The following USP25 variants were observed in gnomAD, a reference collection of about 807,000 sequenced individuals.
The protein encoded by USP25 is ubiquitin carboxyl-terminal hydrolase 25.
USP25 carries 85 observed loss-of-function variants against 158.5 expected under a neutral mutation model. The ratio of observed to expected loss-of-function variants is 0.54; its 90% CI spans 0.45 to 0.64. The LOEUF (loss-of-function observed/expected upper bound fraction) is 0.64. USP25 is among the 30% of genes least tolerant of loss of function. USP25 has a pLI of 0.00. For missense variants in USP25, 1,242 were observed against 1,327.3 expected, an observed-to-expected ratio of 0.94 and a Z score of 1.00; for synonymous variants, 464 against 460.4, an observed-to-expected ratio of 1.01 and a Z score of -0.10.
rs377257148 is a variant in USP25 at position 15,803,088 on chromosome 21, G to A, written c.643-2033G>A. 2.1e-3 allele frequency among the ~76,000 whole-genome samples: 311 copies of A among 151,638 alleles called. 1 individual carries two copies. The highest frequency in any genetic ancestry group is 0.014 in the Middle Eastern group (4 of 292). On this transcript the variant is annotated intron_variant, in intron 6 of 25. Transcript: ENST00000400183. ...ACTAGTGAAGAAATAGATAACCTGT[G>A]GTAGCCCTACATTATATTAAAGGAA...
Position 15,730,507 on chromosome 21 carries a change from C to T in USP25, c.45+69C>T. 8.5e-6 allele frequency: 11 copies of T among 1,287,382 alleles called. No individual in the cohort carries two copies. The South Asian group carries it at 2.2e-4, about 26-fold the overall frequency. 79.7% of individuals were successfully genotyped at this position (1,287,382 alleles called of 1,614,324 possible). A position where few individuals can be genotyped will look rare whatever the true frequency, so the allele number is the denominator to read the frequency against. On this transcript the variant is annotated intron_variant, in intron 1 of 25. Coordinates refer to ENST00000400183, the MANE Select transcript of USP25 (RefSeq NM_001283041.3). ...ACGGGCTGTCCTCTCCCGCTGCGGC[C>T]GGGCGCCCCGGCCTCGCCGCCGCCG... is the stretch of plus-strand genomic sequence containing the variant.
intron 5 of USP25, among the ~76,000 whole-genome samples, chr21:15,794,340 A>G (rs1010504158): frequency 3.3e-5 from 5 of 151,794 alleles, no homozygotes; most frequent in African/African-American, 9.7e-5. Flanking sequence ...AATGGCTTAA[A>G]TAATCTTTTG....
chr21:15,868,190 A>G (rs17241481), intron 22 of USP25, among the ~76,000 whole-genome samples: 11,463 of 152,268 alleles, frequency 0.075, 505 homozygotes, highest in East Asian at 0.099. Context: ...GCTGTTTAGA[A>G]GTCAACATAG....
intron 9 of USP25, among the ~76,000 whole-genome samples, chr21:15,814,132 A>G (rs752145780): frequency 8.7e-5 from 13 of 149,668 alleles, no homozygotes; most frequent in Non-Finnish European, 7.5e-5. Context: ...GTGGAAACCC[A>G]GGATAAACCC....
At chr21:15,871,074 A>G (rs7281290) in intron 23 of USP25, among the ~76,000 whole-genome samples, 5,703 of 152,314 alleles carry the variant, frequency 0.037, 151 homozygotes, top group Middle Eastern at 0.14. Flanking sequence ...AGAAATTTCT[A>G]TTGGACAGTA....
At chr21:15,796,843 A>G (rs1476023799) in intron 5 of USP25, among the ~76,000 whole-genome samples, 1 of 151,456 alleles carries the variant, frequency 6.6e-6, no homozygotes, top group Non-Finnish European at 1.5e-5. Flanking sequence ...ACTAACACAA[A>G]AAAATGGACA....
Position 15,730,364 on chromosome 21 carries a change from G to GCCA in USP25, c.-28_-27insACC. The GCCA allele has an allele frequency of 4.9e-6, 4 of 820,162 alleles. No individual in the cohort carries two copies. The highest frequency in any genetic ancestry group is 5.7e-6 in the Non-Finnish European group (4 of 696,860). 50.8% of individuals were successfully genotyped at this position (820,162 alleles called of 1,614,324 possible). ...GAGGCGCGAGGAGCCGGGCGCCACCGCCGCCGCCGCCGCCGCCGCCGCGGG... is the reference window on the plus strand; with the variant it reads ...GAGGCGCGAGGAGCCGGGCGCCACCGCCACCGCCGCCGCCGCCGCCGCCGCGGG... On this transcript the variant is annotated 5_prime_UTR_variant, in exon 1 of 26. Transcript: ENST00000400183.
At chr21:15,763,804 G>A (rs2123411953) in intron 2 of USP25, among the ~76,000 whole-genome samples, 1 of 152,198 alleles carries the variant, frequency 6.6e-6, no homozygotes, top group East Asian at 1.9e-4. Flanking sequence ...TAAACATTTA[G>A]TACTACCAGG....
At chr21:15,788,828 T>C (rs745934595) in intron 4 of USP25, among the ~76,000 whole-genome samples, 5 of 152,108 alleles carry the variant, frequency 3.3e-5, no homozygotes, top group Non-Finnish European at 7.4e-5. Flanking sequence ...ATGACTGAAT[T>C]GAGCTACTTG....
At chr21:15,833,661 T>C (rs2037921477) in intron 17 of USP25, 113 bp downstream of exon 17, 2 of 963,370 alleles carry the variant, frequency 2.1e-6, no homozygotes, top group East Asian at 5.3e-5. Context: ...TCAGTAGAAA[T>C]CATTTCAAAT....
chr21:15,730,762 A>G (rs186889055), intron 1 of USP25, among the ~76,000 whole-genome samples: 20 of 152,186 alleles, frequency 1.3e-4, no homozygotes, highest in Non-Finnish European at 2.4e-4. Flanking sequence ...TCTCCCCTTA[A>G]ATGAGAAAGA....
intron 6 of USP25, among the ~76,000 whole-genome samples, chr21:15,802,239 C>T (rs2036169387): frequency 1.3e-5 from 2 of 151,422 alleles, no homozygotes; most frequent in African/African-American, 4.8e-5. Context: ...TATCACTTTC[C>T]ACTACTTAAA....
intron 2 of USP25, among the ~76,000 whole-genome samples, chr21:15,763,997 G>A (rs1186903759): frequency 2.0e-5 from 3 of 152,080 alleles, no homozygotes; most frequent in Non-Finnish European, 4.4e-5. Context: ...CCTGATCCCA[G>A]GTGCCACACT....
At chr21:15,869,174 G>A (rs575746559) in intron 22 of USP25, among the ~76,000 whole-genome samples, 5 of 151,208 alleles carry the variant, frequency 3.3e-5, no homozygotes, top group African/African-American at 1.2e-4. Flanking sequence ...CTGGAGCCCA[G>A]AAGGTCAAGT....
chr21:15,872,851 CAG>C (rs1454191599), intron 23 of USP25, among the ~76,000 whole-genome samples: 1 of 151,906 alleles, frequency 6.6e-6, no homozygotes, highest in Non-Finnish European at 1.5e-5. Flanking sequence ...AAGTAATAAA[CAG>C]TAATTATTGG....
intron 20 of USP25, among the ~76,000 whole-genome samples, chr21:15,860,145 AC>A: frequency 1.3e-5 from 2 of 151,178 alleles, no homozygotes; most frequent in East Asian, 3.9e-4. Context: ...CCGCCACCAT[AC>A]CCAGCTAATT....
intron 1 of USP25, among the ~76,000 whole-genome samples, chr21:15,740,641 GTT>G (rs60616271): frequency 1.2e-3 from 49 of 41,268 alleles, no homozygotes; most frequent in South Asian, 4.3e-3. Context: ...CTTTCTGGCT[GTT>G]TTTTTTTTTT....
At chr21:15,743,002 G>A (rs752019045) in intron 1 of USP25, among the ~76,000 whole-genome samples, 51 of 152,374 alleles carry the variant, frequency 3.3e-4, no homozygotes, top group Admixed American at 5.2e-4. Flanking sequence ...GAGCCCCAAG[G>A]GGGTGTCATA....
chr21:15,746,514 C>T (rs548348242), intron 1 of USP25, among the ~76,000 whole-genome samples: 1 of 152,148 alleles, frequency 6.6e-6, no homozygotes, highest in Admixed American at 6.5e-5. Context: ...CCTGCCTCAG[C>T]CTCCCTAGTA....
Sources: gnomAD v4.1 joint callset for allele counts (sites outside exome capture counted in the v4.1 genomes callset) on GRCh38, gnomAD v4.1.1 for gene constraint, MANE v1.5 for transcripts, NCBI Gene and HGNC (gene_info 2026-07-23, HGNC 2026-07-21) for gene names.